FRZB: variants seen among roughly 807,000 people sequenced by gnomAD.
FRZB encodes the protein frizzled related protein.
In FRZB, 34 loss-of-function variants were observed where a neutral mutation model predicts 32.5. The observed-to-expected ratio is 1.05, with a 90% CI of 0.80 to 1.39. FRZB has a LOEUF of 1.39. Ranked by LOEUF, FRZB falls within the 40% of genes most tolerant of loss-of-function variation. The pLI, the probability that FRZB is intolerant of heterozygous loss-of-function variation, is 0.00. For synonymous variants in FRZB, 170 were observed against 159.2 expected (o/e 1.07, Z -0.51); for missense variants, 423 against 424.8 (o/e 1.00, Z 0.04).
intron 3 of FRZB, among the ~76,000 whole-genome samples, chr2:182,840,715 TATTACTTGGCTACA>T (rs1319282382): frequency 1.3e-5 from 2 of 152,138 alleles, no homozygotes; most frequent in Non-Finnish European, 2.9e-5. Context: ...TCAACTTAGC[TATTACTTGGCTACA>T]AAAAAGAAAT....
At chr2:182,860,484 G>A (rs1177989376) in intron 1 of FRZB, among the ~76,000 whole-genome samples, 1 of 152,108 alleles carries the variant, frequency 6.6e-6, no homozygotes, top group African/African-American at 2.4e-5. Flanking sequence ...AGTAGCATTA[G>A]AGAGGGAGAG....
rs1346573522 is a variant in FRZB at position 182,862,959 on chromosome 2, AG to A, written c.478+3115del. ...TAATTTTTGTATTTTTAGTAGAGAC[AG>A]GGTTTCACCATGTTGGCCAAGCTGG... On this transcript the variant is annotated intron_variant, in intron 1 of 5. Coordinates refer to ENST00000295113, the MANE Select transcript of FRZB (RefSeq NM_001463.4). Among the ~76,000 whole-genome samples the A allele has an allele frequency of 7.2e-5, 11 of 152,068 alleles. No individual in the cohort carries two copies. In the East Asian group the frequency reaches 2.1e-3, roughly 29 times the overall value.
In FRZB at chr2:182,838,478, C is replaced by G; in HGVS notation, c.728G>C (p.Cys243Ser). ...DTVNLYTSSG[C>S]LCPPLNVNEE... ...ATTAACATTAAGTGGAGGGCAGAGG[C>G]AGCCAGAGCTGGTATAGAGGTTGAC... Residue 243 changes from cysteine (C) to serine (S), a missense_variant, in exon 4 of 6, where the codon TGC becomes TCC. By Grantham distance (112) the Cys-to-Ser change is moderately radical. Transcript: ENST00000295113. 2 of 1,612,996 alleles carry G rather than the reference C, an allele frequency of 1.2e-6. No individual in the cohort carries two copies. The highest frequency in any genetic ancestry group is 2.2e-5 in the South Asian group (2 of 91,062).
At chr2:182,836,613 C>G (rs926069116) in intron 5 of FRZB, among the ~76,000 whole-genome samples, 2 of 152,022 alleles carry the variant, frequency 1.3e-5, no homozygotes, top group Admixed American at 6.6e-5. Context: ...AAAAGAGGAG[C>G]AGTAAGCCTT....
intron 2 of FRZB, among the ~76,000 whole-genome samples, chr2:182,855,059 T>C (rs532664021): frequency 6.6e-6 from 1 of 152,296 alleles, no homozygotes; most frequent in South Asian, 2.1e-4. Context: ...GTGGTATACA[T>C]GTGGGATAGA....
At chr2:182,861,692 T>A (rs1202466680) in intron 1 of FRZB, among the ~76,000 whole-genome samples, 2 of 152,226 alleles carry the variant, frequency 1.3e-5, no homozygotes, top group Admixed American at 1.3e-4. Context: ...TTCTTAATTA[T>A]TCAAAACTAT....
Position 182,865,270 on chromosome 2 carries a change from C to T in FRZB, c.478+805G>A, listed in dbSNP as rs1464563661. On this transcript the variant is annotated intron_variant, in intron 1 of 5. Coordinates refer to ENST00000295113, the MANE Select transcript of FRZB (RefSeq NM_001463.4). ...AACATTACGTGAGTGTATGATAACA[C>T]GCCTTAAATATAACTCCTTTCATCT... 3.3e-5 allele frequency among the ~76,000 whole-genome samples: 5 copies of T among 152,042 alleles called. No homozygotes were observed. In the South Asian group the frequency reaches 6.2e-4, roughly 19 times the overall value.
In FRZB at chr2:182,866,452, G is replaced by T. The variant is rs1376656215; in HGVS notation, c.101C>A (p.Ala34Asp). ...LLRVPGARAA[A>D]CEPVRIPLCK... ...CAGGGGGATGCGGACGGGCTCACAG[G>T]CTGCAGCCCGAGCCCCGGGCACCCG... The change falls in exon 1 of 6, where the codon GCC becomes GAC. Residue 34 changes from alanine to aspartate, a missense_variant. Ala to Asp is a moderately radical substitution (Grantham distance 126, BLOSUM62 -2). Transcript: ENST00000295113. This position sits in a 1 kb window ranked among gnomAD's most constrained non-coding sequence, Gnocchi z 4.5. 2 of 1,562,472 alleles carry T rather than the reference G, an allele frequency of 1.3e-6. No homozygotes were observed. The highest frequency in any genetic ancestry group is 1.7e-6 in the Non-Finnish European group (2 of 1,153,344).
At position 182,866,626 on chromosome 2, in the gene FRZB, C is replaced by T; in HGVS notation, c.-74G>A. The T allele has an allele frequency of 9.1e-7, 1 of 1,095,964 alleles. No homozygotes were observed. The highest frequency in any genetic ancestry group is 1.9e-5 in the South Asian group (1 of 52,788). 67.9% of individuals were successfully genotyped at this position (1,095,964 alleles called of 1,614,324 possible). A position where few individuals can be genotyped will look rare whatever the true frequency, so the allele number is the denominator to read the frequency against. ...GGCCCGCTCCGCCGTCTCCGCCTCC[C>T]CCGCTGCAAGTGGACACAAGGATCT... On this transcript the variant is annotated 5_prime_UTR_variant, in exon 1 of 6. Transcript: ENST00000295113. This position sits in a 1 kb window ranked among gnomAD's most constrained non-coding sequence, Gnocchi z 4.5.
intron 4 of FRZB, 37 bp downstream of exon 4, chr2:182,838,372 C>A (rs1695550067): frequency 6.6e-7 from 1 of 1,521,380 alleles, no homozygotes. Context: ...GTAGGATAAG[C>A]AAAGTAGTTA....
chr2:182,838,694 T>C (rs1695555091), intron 3 of FRZB, 81 bp from the exon 4 acceptor site: 3 of 1,116,562 alleles, frequency 2.7e-6, no homozygotes, highest in Admixed American at 2.0e-5. Context: ...AGTAGGCTTC[T>C]CTTTAGTTAA....
intron 1 of FRZB, among the ~76,000 whole-genome samples, 153 bp from the exon 2 acceptor site, chr2:182,858,986 T>G (rs1454615942): frequency 6.6e-6 from 1 of 152,162 alleles, no homozygotes; most frequent in African/African-American, 2.4e-5. Context: ...TCGGCATTCT[T>G]ATCATTCATG....
At chr2:182,852,559 C>T (rs1695720935) in intron 2 of FRZB, among the ~76,000 whole-genome samples, 1 of 152,288 alleles carries the variant, frequency 6.6e-6, no homozygotes. Context: ...GCTCTGGAGA[C>T]ATTTGTGTTT....
At chr2:182,836,917 A>T (rs562380053) in intron 5 of FRZB, among the ~76,000 whole-genome samples, 2 of 151,996 alleles carry the variant, frequency 1.3e-5, no homozygotes, top group Admixed American at 1.3e-4. Flanking sequence ...TGCCCTCTAC[A>T]TTTTTGTAGG....
chr2:182,841,837 C>T (rs1695589319), intron 3 of FRZB, among the ~76,000 whole-genome samples: 1 of 152,152 alleles, frequency 6.6e-6, no homozygotes, highest in Non-Finnish European at 1.5e-5. Flanking sequence ...ATGGAAATCA[C>T]TTAGCACAGT....
chr2:182,837,888 T>C, intron 5 of FRZB, 60 bp downstream of exon 5: 1 of 1,312,180 alleles, frequency 7.6e-7, no homozygotes, highest in South Asian at 1.2e-5. Flanking sequence ...GACAGATGGC[T>C]GGTTTTCTAC....
At position 182,866,528 on chromosome 2, in the gene FRZB, T is replaced by A; in HGVS notation, c.25A>T (p.Met9Leu). 6.8e-7 allele frequency: 1 copy of A among 1,477,780 alleles called. No individual in the cohort carries two copies. The highest frequency in any genetic ancestry group is 1.3e-5 in the South Asian group (1 of 74,930). 91.5% of individuals were successfully genotyped at this position (1,477,780 alleles called of 1,614,324 possible). Residue 9 changes from methionine to leucine, a missense_variant, in exon 1 of 6, where the codon ATG becomes TTG. Physicochemically the swap from Met to Leu is conservative, Grantham distance 15. Transcript: ENST00000295113. The surrounding 1 kb of genome is among the most constrained non-coding windows in gnomAD (Gnocchi z 4.5). ...AGCAGCCCGGCCCGCAGCAGCAGCA[T>A]CCCTCCCGGGCTGCCGCAGACCATG... MVCGSPGGMLLLRAGLLAL... is the reference protein window; with the variant it reads MVCGSPGGLLLLRAGLLAL...
chr2:182,837,800 G>T, intron 5 of FRZB, 148 bp downstream of exon 5: 2 of 615,456 alleles, frequency 3.2e-6, no homozygotes, highest in South Asian at 2.1e-5. Flanking sequence ...GACAAATTCA[G>T]CTCTTGGAGT....
At chr2:182,860,005 C>T (rs1015316867) in intron 1 of FRZB, among the ~76,000 whole-genome samples, 3 of 152,026 alleles carry the variant, frequency 2.0e-5, no homozygotes, top group African/African-American at 4.8e-5. Flanking sequence ...AAACTACATA[C>T]AAAAATAATG....
Sources: gnomAD v4.1 joint callset for allele counts (sites outside exome capture counted in the v4.1 genomes callset) on GRCh38, gnomAD v4.1.1 for gene constraint, Gnocchi (gnomAD v3.1) non-coding constraint, MANE v1.5 for transcripts, NCBI Gene and HGNC (gene_info 2026-07-23, HGNC 2026-07-21) for gene names.